The following EPB41L4B variants were observed in gnomAD, a reference collection of about 807,000 sequenced individuals.
EPB41L4B encodes the protein band 4.1-like protein 4B.
A neutral mutation model predicts 112.5 loss-of-function variants in EPB41L4B; 30 were observed. That is an observed-to-expected ratio of 0.27 (90% CI 0.20 to 0.36). The LOEUF (loss-of-function observed/expected upper bound fraction) is 0.36. Ranked by LOEUF, EPB41L4B falls within the 10% of genes least tolerant of loss-of-function variation. The probability of loss-of-function intolerance (pLI) is 1.00; values close to 1 mark genes in which losing one functional copy is unlikely to be tolerated. For synonymous variants in EPB41L4B, 408 were observed against 439.7 expected (o/e 0.93, Z 0.90); for missense variants, 1,024 against 1,133.3 (o/e 0.90, Z 1.38).
At chr9:109,273,293 C>A (rs1184182197) in intron 2 of EPB41L4B, among the ~76,000 whole-genome samples, 1 of 151,686 alleles carries the variant, frequency 6.6e-6, no homozygotes, top group Non-Finnish European at 1.5e-5. Context: ...GTCACCCAGG[C>A]TGGAGTGCAG....
chr9:109,214,340 A>G (rs925508349), intron 16 of EPB41L4B, among the ~76,000 whole-genome samples: 3 of 152,226 alleles, frequency 2.0e-5, no homozygotes, highest in African/African-American at 7.2e-5. Flanking sequence ...TACATTAAAT[A>G]TTCATTAAAT....
At chr9:109,216,886 C>G in intron 16 of EPB41L4B, 36 bp downstream of exon 16, 2 of 1,598,498 alleles carry the variant, frequency 1.3e-6, no homozygotes, top group South Asian at 2.2e-5. Flanking sequence ...GCATTGCTCC[C>G]CCTTCTCCTG....
At chr9:109,184,835 T>A (rs1302085953) in intron 23 of EPB41L4B, among the ~76,000 whole-genome samples, 1 of 152,186 alleles carries the variant, frequency 6.6e-6, no homozygotes, top group East Asian at 1.9e-4. Flanking sequence ...CATCCTGTAG[T>A]AAAGAATGTG....
intron 1 of EPB41L4B, among the ~76,000 whole-genome samples, chr9:109,285,602 T>C (rs1836244370): frequency 6.6e-6 from 1 of 152,168 alleles, no homozygotes; most frequent in East Asian, 1.9e-4. Flanking sequence ...AGGGCTGGAA[T>C]GGAGGGATCC....
chr9:109,300,426 C>T (rs1218333877), intron 1 of EPB41L4B: 2 of 152,106 alleles, frequency 1.3e-5, no homozygotes, highest in Non-Finnish European at 2.9e-5. Flanking sequence ...AACCTACAAC[C>T]CCACCATCAC....
intron 4 of EPB41L4B, 87 bp downstream of exon 4, chr9:109,267,386 A>G (rs1380590863): frequency 2.4e-5 from 19 of 786,948 alleles, no homozygotes; most frequent in Non-Finnish European, 3.4e-5. Context: ...AGACAGAAGA[A>G]GAGGCAAACC....
chr9:109,251,002 C>A (rs1834767788), intron 13 of EPB41L4B, among the ~76,000 whole-genome samples: 1 of 152,224 alleles, frequency 6.6e-6, no homozygotes, highest in Non-Finnish European at 1.5e-5. Context: ...TTTGCTGAAT[C>A]CTGTGCTGGC....
intron 15 of EPB41L4B, among the ~76,000 whole-genome samples, chr9:109,233,821 C>G (rs990340513): frequency 3.3e-5 from 5 of 152,168 alleles, no homozygotes; most frequent in African/African-American, 1.2e-4. Flanking sequence ...CATGAGCCAC[C>G]ACGCTTAGCC....
Position 109,174,506 on chromosome 9 carries a change from G to A in EPB41L4B, c.*48C>T. 6.5e-7 allele frequency: 1 copy of A among 1,535,018 alleles called. No homozygotes were observed. The highest frequency in any genetic ancestry group is 9.0e-7 in the Non-Finnish European group (1 of 1,107,864). On this transcript the variant is annotated 3_prime_UTR_variant, in exon 26 of 26. Coordinates refer to ENST00000374566, the MANE Select transcript of EPB41L4B (RefSeq NM_019114.5). Reference sequence around the variant, plus strand: ...GAGCACACAAAGCCCGAAGAAAGAAGACGGACAGAAGGCACCATGCCATCT... The same window carrying A: ...GAGCACACAAAGCCCGAAGAAAGAAAACGGACAGAAGGCACCATGCCATCT...
intron 20 of EPB41L4B, among the ~76,000 whole-genome samples, chr9:109,198,648 T>C (rs575943117): frequency 8.5e-4 from 130 of 152,346 alleles, no homozygotes; most frequent in African/African-American, 3.1e-3. Flanking sequence ...GGCTCATGCC[T>C]GTAATCCTAG....
At chr9:109,255,708 G>A in intron 10 of EPB41L4B, 28 bp from the exon 11 acceptor site, 2 of 1,610,578 alleles carry the variant, frequency 1.2e-6, no homozygotes, top group South Asian at 1.1e-5. Flanking sequence ...AGGGCCTCGA[G>A]TGGGCGTTTG....
chr9:109,272,724 G>A (rs1167942637), intron 2 of EPB41L4B, among the ~76,000 whole-genome samples: 2 of 152,204 alleles, frequency 1.3e-5, no homozygotes, highest in Non-Finnish European at 2.9e-5. Context: ...CTGTACTCCA[G>A]CCTGGGTGAC....
intron 17 of EPB41L4B, among the ~76,000 whole-genome samples, chr9:109,210,440 G>C (rs1005256675): frequency 1.3e-5 from 2 of 152,196 alleles, no homozygotes; most frequent in African/African-American, 4.8e-5. Context: ...TGAGGCTTTT[G>C]ACAATTGCTT....
At position 109,223,546 on chromosome 9, in the gene EPB41L4B, G is replaced by C. The variant is rs188620826; in HGVS notation, c.1410-6401C>G. On this transcript the variant is annotated intron_variant, in intron 15 of 25. Transcript: ENST00000374566. ...CTTTCTCTCAACAACAAGGCTGAGT[G>C]ATCAATGCCCCAAAAAGCCAATCAC... Among the ~76,000 whole-genome samples, 16 of 152,246 alleles carry C rather than the reference G, an allele frequency of 1.1e-4. No individual in the cohort carries two copies. The East Asian group carries it at 2.5e-3, about 24-fold the overall frequency.
In EPB41L4B at chr9:109,258,121, C is replaced by T. The variant is rs527309392; in HGVS notation, c.752+56G>A. 20 of 1,569,426 alleles carry T rather than the reference C, an allele frequency of 1.3e-5. No individual in the cohort carries two copies. In the East Asian group the frequency reaches 3.6e-4, roughly 28 times the overall value. ...CTGGTAGATAAAGGAGTGTGATCAA[C>T]ACTTATTTATGACAAAATAGATACA... On this transcript the variant is annotated intron_variant, in intron 7 of 25. Coordinates refer to ENST00000374566, the MANE Select transcript of EPB41L4B (RefSeq NM_019114.5).
intron 15 of EPB41L4B, among the ~76,000 whole-genome samples, chr9:109,221,243 G>A (rs1352734065): frequency 6.6e-6 from 1 of 152,114 alleles, no homozygotes; most frequent in Non-Finnish European, 1.5e-5. Context: ...GGAGGGAGGG[G>A]GAGGAAGGAA....
intron 21 of EPB41L4B, among the ~76,000 whole-genome samples, chr9:109,193,819 T>C (rs1168758130): frequency 6.6e-6 from 1 of 152,200 alleles, no homozygotes; most frequent in African/African-American, 2.4e-5. Context: ...ACACCGGCTA[T>C]ATGACATAAG....
At chr9:109,215,523 C>G (rs1318327726) in intron 16 of EPB41L4B, among the ~76,000 whole-genome samples, 1 of 152,100 alleles carries the variant, frequency 6.6e-6, no homozygotes, top group Non-Finnish European at 1.5e-5. Context: ...AGGCGATCCA[C>G]CCATCTCGGC....
chr9:109,179,302 C>A (rs756416523), intron 24 of EPB41L4B, among the ~76,000 whole-genome samples: 1 of 152,236 alleles, frequency 6.6e-6, no homozygotes, highest in Non-Finnish European at 1.5e-5. Context: ...TGCAGAGCTT[C>A]CCAGCGCTGC....
Sources: allele counts gnomAD v4.1 joint callset (sites outside exome capture counted in the v4.1 genomes callset), GRCh38; gene constraint gnomAD v4.1.1; transcripts MANE v1.5; gene names NCBI Gene and HGNC (gene_info 2026-07-23, HGNC 2026-07-21).